CHRM3: variants seen among roughly 807,000 people sequenced by gnomAD.
CHRM3 encodes the protein muscarinic acetylcholine receptor M3.
Under a neutral mutation model 41.8 loss-of-function variants are expected in CHRM3, and 11 were observed. That is an observed-to-expected ratio of 0.26 (90% CI 0.17 to 0.44). The LOEUF (loss-of-function observed/expected upper bound fraction) is 0.44, where lower values mean the gene tolerates loss of function less well. Ranked by LOEUF, CHRM3 falls within the 20% of genes least tolerant of loss-of-function variation. The pLI is 1.00. For synonymous variants in CHRM3, 297 were observed against 301.4 expected, an observed-to-expected ratio of 0.99 and a Z score of 0.15; for missense variants, 571 against 745.4, an observed-to-expected ratio of 0.77 and a Z score of 2.72.
intron 5 of CHRM3, among the ~76,000 whole-genome samples, chr1:239,741,561 T>G (rs1664850341): frequency 6.6e-6 from 1 of 152,190 alleles, no homozygotes; most frequent in African/African-American, 2.4e-5. Flanking sequence ...TAGGGTAGAC[T>G]GTCCTAAACC....
At chr1:239,683,377 T>TGTGC (rs1305654866) in intron 5 of CHRM3, among the ~76,000 whole-genome samples, 1 of 152,108 alleles carries the variant, frequency 6.6e-6, no homozygotes, top group East Asian at 1.9e-4. Flanking sequence ...CTATATCTGG[T>TGTGC]GTGCTCTGCT....
At chr1:239,673,123 C>T (rs1159503478) in intron 4 of CHRM3, among the ~76,000 whole-genome samples, 1 of 152,098 alleles carries the variant, frequency 6.6e-6, no homozygotes, top group Non-Finnish European at 1.5e-5. Context: ...CTTCCCGGAG[C>T]TGGAGAACGT....
intron 6 of CHRM3, among the ~76,000 whole-genome samples, chr1:239,878,251 G>T (rs1178191000): frequency 1.3e-5 from 2 of 152,002 alleles, no homozygotes; most frequent in Admixed American, 6.6e-5. Flanking sequence ...TTATTTTCCT[G>T]CCACTAGATG....
intron 3 of CHRM3, among the ~76,000 whole-genome samples, chr1:239,585,579 G>T (rs1453563967): frequency 6.6e-6 from 1 of 152,202 alleles, no homozygotes. Context: ...GAGAGTGAAT[G>T]CCCAGCTGAA....
intron 5 of CHRM3, among the ~76,000 whole-genome samples, chr1:239,681,157 G>A (rs183700614): frequency 7.7e-4 from 117 of 152,264 alleles, no homozygotes; most frequent in African/African-American, 2.6e-3. Flanking sequence ...CCCGCAACAC[G>A]TGGGAATTCT....
At chr1:239,764,683 A>T (rs1206246326) in intron 5 of CHRM3, among the ~76,000 whole-genome samples, 1 of 152,244 alleles carries the variant, frequency 6.6e-6, no homozygotes, top group Non-Finnish European at 1.5e-5. Context: ...TTAACAGGCA[A>T]ATCTCCAACT....
chr1:239,805,358 C>CT (rs1670550042), intron 5 of CHRM3, among the ~76,000 whole-genome samples: 1 of 152,160 alleles, frequency 6.6e-6, no homozygotes, highest in South Asian at 2.1e-4. Flanking sequence ...ACTCGGGACC[C>CT]TTCACTTACC....
At chr1:239,804,139 G>C (rs990391874) in intron 5 of CHRM3, among the ~76,000 whole-genome samples, 1 of 152,146 alleles carries the variant, frequency 6.6e-6, no homozygotes, top group African/African-American at 2.4e-5. Flanking sequence ...TGATTTTACT[G>C]TGAAAATCCA....
chr1:239,712,707 T>G (rs1217186814), intron 5 of CHRM3, among the ~76,000 whole-genome samples: 3 of 152,182 alleles, frequency 2.0e-5, no homozygotes, highest in African/African-American at 7.2e-5. Flanking sequence ...AAGACTGTAT[T>G]TTGTAAACCC....
intron 5 of CHRM3, among the ~76,000 whole-genome samples, chr1:239,702,575 C>T (rs971318896): frequency 6.6e-6 from 1 of 152,206 alleles, no homozygotes; most frequent in Non-Finnish European, 1.5e-5. Flanking sequence ...TTAATGTCTA[C>T]CATTTACAAA....
chr1:239,884,132 T>C (rs1677871930), intron 6 of CHRM3, among the ~76,000 whole-genome samples: 1 of 152,228 alleles, frequency 6.6e-6, no homozygotes, highest in African/African-American at 2.4e-5. Context: ...GACCACATTC[T>C]AATCTCAGAA....
At chr1:239,408,534 A>AT (rs1553294738) in intron 1 of CHRM3, among the ~76,000 whole-genome samples, 5 of 150,528 alleles carry the variant, frequency 3.3e-5, no homozygotes, top group Admixed American at 2.0e-4. Flanking sequence ...AAAAAAAAAA[A>AT]AAAAAAAAAA....
rs990937195 is a variant in CHRM3, at chr1:239,665,262, C to T, written c.-249-12924C>T. 2.6e-5 allele frequency among the ~76,000 whole-genome samples: 4 copies of T among 151,942 alleles called. No individual in the cohort carries two copies. In the South Asian group the frequency reaches 6.2e-4, roughly 24 times the overall value. On this transcript the variant is annotated intron_variant, in intron 4 of 6. Transcript: ENST00000676153. ...TGAGCGCCTGCTGTATGCCCAGTGC[C>T]GCTTCCTGTAATCAGCGGCCATTTT...
chr1:239,764,451 G>A (rs1436108503), intron 5 of CHRM3, among the ~76,000 whole-genome samples: 1 of 152,184 alleles, frequency 6.6e-6, no homozygotes, highest in Non-Finnish European at 1.5e-5. Flanking sequence ...TTGTTCTGCT[G>A]TCTCAGTGAA....
chr1:239,423,167 T>C (rs1417112705), intron 1 of CHRM3, among the ~76,000 whole-genome samples: 3 of 152,218 alleles, frequency 2.0e-5, no homozygotes, highest in African/African-American at 7.2e-5. Context: ...CAGGAAAAGA[T>C]TGAAATTCCA....
rs114696620 is a variant in CHRM3 at position 239,478,358 on chromosome 1, A to G, written c.-520-14351A>G. ...CTCTTCTTTGAACACAGTGTTCAGC[A>G]TAAAATAGACACTAACAAAATGTTG... On this transcript the variant is annotated intron_variant, in intron 1 of 6. Transcript: ENST00000676153. Among the ~76,000 whole-genome samples, 1,476 of 152,370 alleles carry G rather than the reference A, an allele frequency of 9.7e-3. 10 individuals are homozygous for G. Among genetic ancestry groups the G allele is most frequent in the Non-Finnish European group, 0.017 (1,162 of 68,044 alleles).
chr1:239,441,795 G>A (rs1267471829), intron 1 of CHRM3, among the ~76,000 whole-genome samples: 1 of 152,190 alleles, frequency 6.6e-6, no homozygotes, highest in African/African-American at 2.4e-5. Flanking sequence ...CAAACCTGCT[G>A]TGACCAATTT....
At chr1:239,798,910 AGT>A (rs1261520825) in intron 5 of CHRM3, among the ~76,000 whole-genome samples, 1 of 152,166 alleles carries the variant, frequency 6.6e-6, no homozygotes. Context: ...GATTTTCATA[AGT>A]GTATTTTGGA....
chr1:239,589,180 C>T (rs969684349), intron 3 of CHRM3, among the ~76,000 whole-genome samples: 2 of 152,028 alleles, frequency 1.3e-5, no homozygotes, highest in Admixed American at 6.6e-5. Flanking sequence ...GTGATCCGCC[C>T]TCCTCAGCCT....
Sources: gnomAD v4.1 joint callset for allele counts (sites outside exome capture counted in the v4.1 genomes callset) on GRCh38, gnomAD v4.1.1 for gene constraint, MANE v1.5 for transcripts, NCBI Gene and HGNC (gene_info 2026-07-23, HGNC 2026-07-21) for gene names.